The following KIF1A variants were observed in gnomAD, a reference collection of about 807,000 sequenced individuals.
KIF1A encodes kinesin family member 1A, also known as kinesin-like protein KIF1A.
KIF1A carries 46 observed loss-of-function variants against 227.3 expected under a neutral mutation model. That is an observed-to-expected ratio of 0.20 (90% CI 0.16 to 0.26). The LOEUF is 0.26. KIF1A is among the 10% of genes least tolerant of loss of function. The pLI, the probability that KIF1A is intolerant of heterozygous loss-of-function variation, is 1.00. For missense variants in KIF1A, 1,683 were observed against 2,485.9 expected (o/e 0.68, Z 6.87); for synonymous variants, 1,022 against 1,012.8 (o/e 1.01, Z -0.17).
intron 38 of KIF1A, among the ~76,000 whole-genome samples, chr2:240,729,778 G>A (rs1303897122): frequency 6.6e-6 from 1 of 152,260 alleles, no homozygotes; most frequent in Non-Finnish European, 1.5e-5. Context: ...TCTCACCTGT[G>A]AGCTGGGGAG....
chr2:240,749,550 CT>C (rs1388334093), intron 28 of KIF1A, among the ~76,000 whole-genome samples: 1 of 152,210 alleles, frequency 6.6e-6, no homozygotes, highest in Non-Finnish European at 1.5e-5. Context: ...GAGGGGAGAC[CT>C]TGGTGGAGGA....
rs181023294 is a variant in KIF1A, at chr2:240,787,686, G to T, written c.363+365C>A. Among the ~76,000 whole-genome samples, 11 of 152,292 alleles carry T rather than the reference G, an allele frequency of 7.2e-5. No individual in the cohort carries two copies. The East Asian group carries it at 2.1e-3, about 29-fold the overall frequency. On this transcript the variant is annotated intron_variant, in intron 4 of 48. Coordinates refer to ENST00000498729, the MANE Select transcript of KIF1A (RefSeq NM_001244008.2). ...GGGTTCCTGCAGCAAATGAGGAGCTGCTGGGTCTGGTGTTTGGCCACCCCT... is the reference window on the plus strand; with the variant it reads ...GGGTTCCTGCAGCAAATGAGGAGCTTCTGGGTCTGGTGTTTGGCCACCCCT...
intron 46 of KIF1A, 72 bp downstream of exon 46, chr2:240,719,702 G>A (rs903766813): frequency 2.0e-5 from 28 of 1,427,108 alleles, no homozygotes; most frequent in African/African-American, 2.9e-5. Flanking sequence ...CCAGTATGGG[G>A]AGCAGGGTGG....
At chr2:240,728,626 G>A (rs1321382399) in intron 38 of KIF1A, among the ~76,000 whole-genome samples, 1 of 152,236 alleles carries the variant, frequency 6.6e-6, no homozygotes, top group Non-Finnish European at 1.5e-5. Flanking sequence ...CCCCTTCCCT[G>A]GGGTCTGCAG....
rs780686801 is a variant in KIF1A at position 240,763,048 on chromosome 2, C to A, written c.1993G>T (p.Ala665Ser). 51 of 1,534,390 alleles carry A rather than the reference C, an allele frequency of 3.3e-5. No homozygotes were observed. Among genetic ancestry groups the A allele is most frequent in the Non-Finnish European group, 4.5e-5 (51 of 1,142,508 alleles). The change falls in exon 22 of 49, where the codon GCC becomes TCC. Residue 665 changes from alanine (A) to serine (S), a missense_variant. By Grantham distance (99) the Ala-to-Ser change is moderately conservative. This residue lies in a region of KIF1A where 217 missense variants were observed against 427.0 expected (regional missense o/e 0.51). Coordinates refer to ENST00000498729, the MANE Select transcript of KIF1A (RefSeq NM_001244008.2). ...CGCTGCTGCTCCAGCAGGTAGGTGG[C>A]CTCCTCCCGCTCGCGGCGGTACTGG... is the stretch of plus-strand genomic sequence containing the variant. ...EDQYRREREEATYLLEQQRLD... is the reference protein window; with the variant it reads ...EDQYRREREESTYLLEQQRLD...
At chr2:240,730,955 C>T (rs1191638547) in intron 38 of KIF1A, among the ~76,000 whole-genome samples, 1 of 152,190 alleles carries the variant, frequency 6.6e-6, no homozygotes, top group Non-Finnish European at 1.5e-5. Flanking sequence ...TCAGTACTGG[C>T]CCCACCCTCC....
intron 1 of KIF1A, among the ~76,000 whole-genome samples, chr2:240,803,150 A>G (rs2057111082): frequency 6.6e-6 from 1 of 152,338 alleles, no homozygotes; most frequent in East Asian, 1.9e-4. Flanking sequence ...TTAAAAACCC[A>G]TGGGTCAAAG....
In KIF1A at chr2:240,757,552, T is replaced by C. The variant is rs577291279; in HGVS notation, c.2625A>G (p.Thr875=). 1.2e-5 allele frequency: 18 copies of C among 1,550,314 alleles called. No homozygotes were observed. In the East Asian group the frequency reaches 4.2e-4, roughly 36 times the overall value. The stretch of plus-strand genomic sequence containing the variant: ...GAGCAGCCATGCGCTCGCTCATGCA[T>C]GTGTTGAGAAGAGGGTAGCTGTTGC... ...SGCNSYPLLN[T]CMSERMAALT... The change falls in exon 27 of 49, where the codon ACA becomes ACG. Residue 875 remains threonine, a synonymous_variant. Coordinates refer to ENST00000498729, the MANE Select transcript of KIF1A (RefSeq NM_001244008.2). The surrounding 1 kb of genome is among the most constrained non-coding windows in gnomAD (Gnocchi z 6.2).
chr2:240,789,168 G>A lies in KIF1A; in HGVS notation c.183+68C>T. ...GAATGAGCGGCTCAGAGAAGTTGAG[G>A]GACCCCGAGGGCCACATGGCCTATG... On this transcript the variant is annotated intron_variant, in intron 3 of 48. Transcript: ENST00000498729. This position sits in a 1 kb window ranked among gnomAD's most constrained non-coding sequence, Gnocchi z 4.8. 2 of 1,288,528 alleles carry A rather than the reference G, an allele frequency of 1.6e-6. No individual in the cohort carries two copies. The highest frequency in any genetic ancestry group is 2.3e-6 in the Non-Finnish European group (2 of 887,602). 79.8% of individuals were successfully genotyped at this position (1,288,528 alleles called of 1,614,324 possible).
intron 10 of KIF1A, among the ~76,000 whole-genome samples, chr2:240,779,116 C>T (rs1326048301): frequency 6.7e-6 from 1 of 149,432 alleles, no homozygotes; most frequent in Non-Finnish European, 1.5e-5. Flanking sequence ...TCACTCAGTT[C>T]CTCATAGTTC....
At chr2:240,745,263 G>A (rs1013912831) in intron 32 of KIF1A, among the ~76,000 whole-genome samples, 164 bp downstream of exon 32, 1 of 152,134 alleles carries the variant, frequency 6.6e-6, no homozygotes, top group Non-Finnish European at 1.5e-5. Context: ...GTCTCCCACT[G>A]CCCAGAAATC....
chr2:240,727,885 G>T (rs1300649319), intron 38 of KIF1A, among the ~76,000 whole-genome samples: 1 of 152,188 alleles, frequency 6.6e-6, no homozygotes, highest in East Asian at 1.9e-4. Flanking sequence ...CTCAGGCCTG[G>T]TGCTCACAGG....
chr2:240,769,027 C>T (rs1397443692), intron 17 of KIF1A, 106 bp downstream of exon 17: 2 of 978,678 alleles, frequency 2.0e-6, no homozygotes, highest in East Asian at 5.2e-5. Flanking sequence ...CAGAGCCCCA[C>T]CGTGCTCCCC....
rs555083361 is a variant in KIF1A, at chr2:240,746,320, C to A, written c.3064-143G>T. ...CATGAACCCACGCACCAGACCTGTG[C>A]CTGCCTTGTAGGGGGGCATCCACCT... On this transcript the variant is annotated intron_variant, in intron 29 of 48. Coordinates refer to ENST00000498729, the MANE Select transcript of KIF1A (RefSeq NM_001244008.2). 4.9e-4 allele frequency: 480 copies of A among 970,732 alleles called. No homozygotes were observed. The African/African-American group carries it at 6.3e-3, about 13-fold the overall frequency. 60.1% of individuals were successfully genotyped at this position (970,732 alleles called of 1,614,324 possible).
chr2:240,751,667 T>C (rs1417935424), intron 27 of KIF1A, among the ~76,000 whole-genome samples: 1 of 152,040 alleles, frequency 6.6e-6, no homozygotes, highest in African/African-American at 2.4e-5. Flanking sequence ...AGAAAGGTCT[T>C]AAGGCACCAG....
At position 240,785,504 on chromosome 2, in the gene KIF1A, G is replaced by A. The variant is rs547938949; in HGVS notation, c.609-404C>T. 4.6e-5 allele frequency among the ~76,000 whole-genome samples: 7 copies of A among 152,312 alleles called. No individual in the cohort carries two copies. The East Asian group carries it at 9.7e-4, about 21-fold the overall frequency. On this transcript the variant is annotated intron_variant, in intron 6 of 48. Transcript: ENST00000498729. ...CGGCTCTGGGAAGCCCAAGGAGCCC[G>A]CCACACCCCTCAGGAGATGGCATGG...
chr2:240,725,303 G>A lies in KIF1A; in HGVS notation c.4224C>T (p.Leu1408=). The change falls in exon 40 of 49, where the codon CTC becomes CTT. Residue 1408 remains leucine (L), a synonymous_variant. Transcript: ENST00000498729. This position sits in a 1 kb window ranked among gnomAD's most constrained non-coding sequence, Gnocchi z 5.8. ...AGGCCCGAAGGCTCCCACTGCCAAAGAGGTTGCGGATGGAGCGCGAGGCTG... is the reference window on the plus strand; with the variant it reads ...AGGCCCGAAGGCTCCCACTGCCAAAAAGGTTGCGGATGGAGCGCGAGGCTG... ...KLPASRSIRN[L]FGSGSLRASE... The A allele has an allele frequency of 6.2e-7, 1 of 1,609,224 alleles. No homozygotes were observed. The highest frequency in any genetic ancestry group is 8.5e-7 in the Non-Finnish European group (1 of 1,178,422).
intron 2 of KIF1A, 114 bp downstream of exon 2, chr2:240,797,533 G>T: frequency 1.4e-6 from 1 of 710,246 alleles, no homozygotes; most frequent in Non-Finnish European, 2.5e-6. Flanking sequence ...ACATAGACAA[G>T]GAGGTGCTCT....
chr2:240,791,761 A>G (rs902809636), intron 2 of KIF1A, among the ~76,000 whole-genome samples: 6 of 152,196 alleles, frequency 3.9e-5, no homozygotes, highest in Non-Finnish European at 8.8e-5. Context: ...GGTGGGGGAC[A>G]GAGGGCAGCA....
Sources: allele counts gnomAD v4.1 joint callset (sites outside exome capture counted in the v4.1 genomes callset), GRCh38; gene constraint gnomAD v4.1.1; regional missense constraint gnomAD v4.1.1; non-coding constraint Gnocchi (gnomAD v3.1); transcripts MANE v1.5; gene names NCBI Gene and HGNC (gene_info 2026-07-23, HGNC 2026-07-21).